TAOK1: variants seen among roughly 807,000 people sequenced by gnomAD.
The protein encoded by TAOK1 is TAO kinase 1.
In TAOK1, 21 loss-of-function variants were observed where a neutral mutation model predicts 138.3. The observed-to-expected ratio is 0.15, with a 90% CI of 0.11 to 0.22. The LOEUF is 0.22. TAOK1 is among the 10% of genes least tolerant of loss of function. TAOK1 has a pLI of 1.00. For synonymous variants in TAOK1, 361 were observed against 398.4 expected, an observed-to-expected ratio of 0.91 and a Z score of 1.12; for missense variants, 651 against 1,227.7, an observed-to-expected ratio of 0.53 and a Z score of 7.02.
At chr17:29,519,520 G>GA (rs11380077) in intron 16 of TAOK1, among the ~76,000 whole-genome samples, 127,654 of 149,874 alleles carry the variant, frequency 0.85, 54,390 homozygotes, top group Middle Eastern at 0.94. Context: ...CTGCATCTCA[G>GA]AAAAAAAAAG....
In TAOK1 at chr17:29,543,670, C is replaced by G. The variant is rs2150780051; in HGVS notation, c.*648C>G. ...GATCAAGTGTAGAAATCCATGAACA[C>G]TAAAGGACTTCATTGATTTTTTCAG... On this transcript the variant is annotated 3_prime_UTR_variant, in exon 20 of 20. Coordinates refer to ENST00000261716, the MANE Select transcript of TAOK1 (RefSeq NM_020791.4). 6.6e-6 allele frequency: 1 copy of G among 152,510 alleles called. No homozygotes were observed. The highest frequency in any genetic ancestry group is 2.1e-4 in the South Asian group (1 of 4,824). 9.4% of individuals were successfully genotyped at this position (152,510 alleles called of 1,614,324 possible).
Position 29,530,589 on chromosome 17 carries a change from C to T in TAOK1, c.2331C>T (p.His777=). ...KLAILAEQYD[H]SINEMLSTQA... is the part of the protein sequence containing the mutation. ...CTATCTTGGCTGAGCAGTATGATCA[C>T]AGCATTAATGAAATGCTCTCCACAC... The change falls in exon 18 of 20, where the codon CAC becomes CAT. Residue 777 remains histidine (H), a synonymous_variant. Transcript: ENST00000261716. 6.2e-7 allele frequency: 1 copy of T among 1,614,148 alleles called. No individual in the cohort carries two copies. The highest frequency in any genetic ancestry group is 1.1e-5 in the South Asian group (1 of 91,084).
At chr17:29,435,158 G>C (rs1905987085) in intron 1 of TAOK1, among the ~76,000 whole-genome samples, 1 of 152,186 alleles carries the variant, frequency 6.6e-6, no homozygotes, top group African/African-American at 2.4e-5. Flanking sequence ...TATTGGTCCA[G>C]ATTTTTACAT....
At chr17:29,409,578 C>A (rs539130123) in intron 1 of TAOK1, among the ~76,000 whole-genome samples, 57 of 152,040 alleles carry the variant, frequency 3.7e-4, no homozygotes, top group Middle Eastern at 3.4e-3. Flanking sequence ...TGTGATCCCC[C>A]CGCCTCAGCC....
intron 14 of TAOK1, among the ~76,000 whole-genome samples, chr17:29,509,864 G>C (rs1354249776): frequency 6.6e-6 from 1 of 151,662 alleles, no homozygotes; most frequent in African/African-American, 2.4e-5. Context: ...CTGCACTCCA[G>C]CCTGGGTGAC....
Position 29,438,584 on chromosome 17 carries a change from A to T in TAOK1, c.-94-12871A>T, listed in dbSNP as rs372681164. Among the ~76,000 whole-genome samples, 113 of 152,268 alleles carry T rather than the reference A, an allele frequency of 7.4e-4. 3 individuals carry two copies. The South Asian group carries it at 0.022, about 30-fold the overall frequency. ...GTAGTCCCAGCTACTTGGGAGGGTG[A>T]GGTGGGAAGATCCCTTGGGCCCAGA... On this transcript the variant is annotated intron_variant, in intron 1 of 19. Coordinates refer to ENST00000261716, the MANE Select transcript of TAOK1 (RefSeq NM_020791.4).
At chr17:29,447,297 G>A (rs368244423) in intron 1 of TAOK1, among the ~76,000 whole-genome samples, 1 of 151,900 alleles carries the variant, frequency 6.6e-6, no homozygotes, top group African/African-American at 2.4e-5. Context: ...ACATTGTTAA[G>A]GATATTAACT....
chr17:29,510,106 G>A (rs1349853116), intron 14 of TAOK1, among the ~76,000 whole-genome samples: 1 of 151,812 alleles, frequency 6.6e-6, no homozygotes, highest in Non-Finnish European at 1.5e-5. Context: ...GCCGGGCATG[G>A]TGGCTCACGC....
chr17:29,452,536 A>G (rs529402787), intron 2 of TAOK1, among the ~76,000 whole-genome samples: 12 of 152,242 alleles, frequency 7.9e-5, no homozygotes, highest in Admixed American at 3.9e-4. Flanking sequence ...TTGCTGTTTT[A>G]ATTATTTTTT....
chr17:29,524,293 C>G (rs1428164658), intron 17 of TAOK1, among the ~76,000 whole-genome samples: 3 of 152,092 alleles, frequency 2.0e-5, no homozygotes, highest in Non-Finnish European at 4.4e-5. Flanking sequence ...AACGTGTCAG[C>G]AAAGTCAATT....
At chr17:29,498,114 G>A (rs1258936204) in intron 11 of TAOK1, among the ~76,000 whole-genome samples, 1 of 152,024 alleles carries the variant, frequency 6.6e-6, no homozygotes, top group Non-Finnish European at 1.5e-5. Context: ...ATTTTTTTGT[G>A]ATTTACTTGT....
intron 3 of TAOK1, among the ~76,000 whole-genome samples, chr17:29,472,933 C>G (rs1261736987): frequency 2.0e-5 from 3 of 152,174 alleles, no homozygotes; most frequent in Non-Finnish European, 4.4e-5. Flanking sequence ...CCATGGGCTG[C>G]AGAATGGATG....
chr17:29,449,733 T>C (rs1598485680), intron 1 of TAOK1, among the ~76,000 whole-genome samples: 2 of 152,160 alleles, frequency 1.3e-5, no homozygotes. Flanking sequence ...CCCAGCTACT[T>C]GGGAGGCTGA....
chr17:29,397,684 C>CATGTATGCATACATGTATAT (rs1555555367), intron 1 of TAOK1, among the ~76,000 whole-genome samples: 1 of 128,116 alleles, frequency 7.8e-6, no homozygotes, highest in South Asian at 2.4e-4. Flanking sequence ...TACATGTATA[C>CATGTATGCATACATGTATAT]ATGTATATTC....
intron 12 of TAOK1, among the ~76,000 whole-genome samples, chr17:29,500,984 G>T (rs951861047): frequency 6.6e-6 from 1 of 152,072 alleles, no homozygotes; most frequent in African/African-American, 2.4e-5. Context: ...TCAAAATAGA[G>T]AGTTATTGCT....
intron 2 of TAOK1, among the ~76,000 whole-genome samples, chr17:29,457,074 T>A (rs1286305180): frequency 7.2e-6 from 1 of 139,106 alleles, no homozygotes; most frequent in Admixed American, 7.3e-5. Flanking sequence ...TCTTTTCTTC[T>A]CTTTTTTTCT....
intron 19 of TAOK1, among the ~76,000 whole-genome samples, chr17:29,540,555 T>G (rs533932389): frequency 5.8e-4 from 87 of 149,790 alleles, no homozygotes; most frequent in African/African-American, 2.0e-3. Flanking sequence ...TTTTGGGTTG[T>G]TTGTTTTTTG....
chr17:29,451,812 G>A (rs1018895212), intron 2 of TAOK1, 132 bp downstream of exon 2: 6 of 982,748 alleles, frequency 6.1e-6, no homozygotes, highest in Non-Finnish European at 7.2e-6. Context: ...GGAAGAGAGA[G>A]AGCGCGAGAG....
Position 29,413,248 on chromosome 17 carries a change from C to G in TAOK1, c.-95+22224C>G, listed in dbSNP as rs1023352631. On this transcript the variant is annotated intron_variant, in intron 1 of 19. Coordinates refer to ENST00000261716, the MANE Select transcript of TAOK1 (RefSeq NM_020791.4). ...GTCTAAATACAGTTAGGAAATATTT[C>G]CATCCCAAATAGCTAAACTTAAAAG... Among the ~76,000 whole-genome samples the G allele has an allele frequency of 3.9e-5, 6 of 152,094 alleles. No individual in the cohort carries two copies. The South Asian group carries it at 1.0e-3, about 26-fold the overall frequency.
Sources: allele counts gnomAD v4.1 joint callset (sites outside exome capture counted in the v4.1 genomes callset), GRCh38; gene constraint gnomAD v4.1.1; transcripts MANE v1.5; gene names NCBI Gene and HGNC (gene_info 2026-07-23, HGNC 2026-07-21).